The following PTPRG variants were observed in gnomAD, a reference collection of about 807,000 sequenced individuals.
PTPRG encodes protein tyrosine phosphatase receptor type G, also known as receptor-type tyrosine-protein phosphatase gamma.
A neutral mutation model predicts 165.3 loss-of-function variants in PTPRG; 102 were observed. The observed-to-expected ratio is 0.62, with a 90% CI of 0.53 to 0.73. PTPRG has a LOEUF of 0.73. Among genes scored for constraint, PTPRG ranks in the 30% least tolerant of loss-of-function variants. PTPRG has a pLI of 0.00. For missense variants in PTPRG, 1,866 were observed against 1,861.4 expected (o/e 1.00, Z -0.05); for synonymous variants, 675 against 669.5 (o/e 1.01, Z -0.13).
At chr3:61,630,473 A>G (rs1701743799) in intron 1 of PTPRG, among the ~76,000 whole-genome samples, 1 of 152,156 alleles carries the variant, frequency 6.6e-6, no homozygotes, top group Non-Finnish European at 1.5e-5. Flanking sequence ...TCCTATTAAT[A>G]TGACTTTTTT....
In PTPRG at chr3:61,914,597, A is replaced by T. The variant is rs554754691; in HGVS notation, c.191-75028A>T. The stretch of plus-strand genomic sequence containing the variant: ...AGTTAGAACGGTCTTGGCCTTTATG[A>T]ATAAACATGCTGTTCTGAAATGATA... On this transcript the variant is annotated intron_variant, in intron 2 of 29. Coordinates refer to ENST00000474889, the MANE Select transcript of PTPRG (RefSeq NM_002841.4). Among the ~76,000 whole-genome samples the T allele has an allele frequency of 1.4e-3, 214 of 152,328 alleles. 2 individuals are homozygous for T. The highest frequency in any genetic ancestry group is 4.7e-3 in the African/African-American group (197 of 41,570).
intron 13 of PTPRG, among the ~76,000 whole-genome samples, chr3:62,225,017 T>C (rs1053267965): frequency 6.6e-6 from 1 of 152,206 alleles, no homozygotes; most frequent in African/African-American, 2.4e-5. Flanking sequence ...GTTACAGCTT[T>C]AATGGCACCC....
At chr3:61,611,361 A>G (rs1390057584) in intron 1 of PTPRG, among the ~76,000 whole-genome samples, 1 of 152,206 alleles carries the variant, frequency 6.6e-6, no homozygotes, top group Non-Finnish European at 1.5e-5. Context: ...AGTGACAAGC[A>G]CAGTGCCTTT....
intron 2 of PTPRG, among the ~76,000 whole-genome samples, chr3:61,828,545 GT>G (rs1487779868): frequency 6.6e-6 from 1 of 152,244 alleles, no homozygotes; most frequent in Non-Finnish European, 1.5e-5. Context: ...TAGGTAGAAA[GT>G]GAATGCATGG....
intron 1 of PTPRG, among the ~76,000 whole-genome samples, chr3:61,652,788 A>G (rs985298587): frequency 4.6e-5 from 7 of 152,170 alleles, no homozygotes; most frequent in African/African-American, 7.2e-5. Context: ...GGATGCCACT[A>G]GCATCCTCCT....
intron 6 of PTPRG, among the ~76,000 whole-genome samples, chr3:62,146,091 G>T (rs1704109780): frequency 6.6e-6 from 1 of 152,210 alleles, no homozygotes; most frequent in Non-Finnish European, 1.5e-5. Context: ...CAATGAAACT[G>T]TTCAGTGATA....
chr3:61,776,381 G>A (rs62243164), intron 2 of PTPRG, among the ~76,000 whole-genome samples: 245 of 152,096 alleles, frequency 1.6e-3, no homozygotes, highest in Non-Finnish European at 2.1e-3. Context: ...TAGTTGTATC[G>A]CATAGATTAA....
chr3:61,810,743 A>T lies in PTPRG; in HGVS notation c.190+61761A>T, dbSNP rs540150818. 2.6e-3 allele frequency among the ~76,000 whole-genome samples: 403 copies of T among 152,342 alleles called. 5 individuals carry two copies. Among genetic ancestry groups the T allele is most frequent in the Non-Finnish European group, 4.8e-3 (326 of 68,032 alleles). On this transcript the variant is annotated intron_variant, in intron 2 of 29. Coordinates refer to ENST00000474889, the MANE Select transcript of PTPRG (RefSeq NM_002841.4). Reference sequence around the variant, plus strand: ...TTGACAGAGAAGTCATGGAGATCCAAAGAAACTAATTAGAATGAATAGGCA... The same window carrying T: ...TTGACAGAGAAGTCATGGAGATCCATAGAAACTAATTAGAATGAATAGGCA...
At chr3:62,082,095 C>T (rs764666181) in intron 5 of PTPRG, among the ~76,000 whole-genome samples, 7 of 152,180 alleles carry the variant, frequency 4.6e-5, no homozygotes, top group Non-Finnish European at 7.3e-5. Context: ...TTCAGAGTGA[C>T]ACAAAGAGAA....
chr3:62,234,965 T>TA (rs1042815576), intron 14 of PTPRG, among the ~76,000 whole-genome samples: 1 of 151,286 alleles, frequency 6.6e-6, no homozygotes, highest in Non-Finnish European at 1.5e-5. Context: ...TCAAGTATTT[T>TA]AAAAAAAATA....
chr3:62,292,381 T>C (rs976917048), intron 28 of PTPRG, 40 bp from the exon 29 acceptor site: 6 of 1,592,508 alleles, frequency 3.8e-6, no homozygotes, highest in Non-Finnish European at 5.1e-6. Flanking sequence ...TTTGGTCCCT[T>C]TGTACATCTG....
chr3:61,723,217 T>C (rs1317993907), intron 1 of PTPRG, among the ~76,000 whole-genome samples: 1 of 152,216 alleles, frequency 6.6e-6, no homozygotes, highest in Non-Finnish European at 1.5e-5. Flanking sequence ...CAGTATTTTA[T>C]TGGATGATTG....
intron 2 of PTPRG, among the ~76,000 whole-genome samples, chr3:61,772,430 A>G (rs1235514510): frequency 6.6e-6 from 1 of 151,926 alleles, no homozygotes; most frequent in African/African-American, 2.4e-5. Flanking sequence ...TAATATTTTT[A>G]TATTTTATAA....
chr3:61,709,380 T>A (rs1055553154), intron 1 of PTPRG, among the ~76,000 whole-genome samples: 2 of 152,158 alleles, frequency 1.3e-5, no homozygotes, highest in African/African-American at 4.8e-5. Context: ...AGTGGCGCAA[T>A]CTCAGTTTAC....
At chr3:62,023,771 G>C (rs2041750380) in intron 4 of PTPRG, among the ~76,000 whole-genome samples, 1 of 152,094 alleles carries the variant, frequency 6.6e-6, no homozygotes, top group African/African-American at 2.4e-5. Flanking sequence ...ACTGTTTTGA[G>C]GTGAGCATTA....
chr3:61,893,436 G>C (rs531851066), intron 2 of PTPRG, among the ~76,000 whole-genome samples: 77 of 152,328 alleles, frequency 5.1e-4, no homozygotes, highest in Non-Finnish European at 9.7e-4. Context: ...TTTGGGCAAA[G>C]TAGATCCAGA....
Position 61,601,505 on chromosome 3 carries a change from GTGTT to G in PTPRG, c.85+39134_85+39137del, listed in dbSNP as rs1283045797. On this transcript the variant is annotated intron_variant, in intron 1 of 29. Coordinates refer to ENST00000474889, the MANE Select transcript of PTPRG (RefSeq NM_002841.4). ...CTCCAGTATTTATGGGCTCAAATCA[GTGTT>G]GATGGTGTATTCTTTTGTTCACTTA... is the stretch of plus-strand genomic sequence containing the variant. Among the ~76,000 whole-genome samples the G allele has an allele frequency of 3.3e-5, 5 of 152,290 alleles. No individual in the cohort carries two copies. The East Asian group carries it at 9.7e-4, about 29-fold the overall frequency.
At chr3:61,976,485 G>T (rs1467603153) in intron 2 of PTPRG, among the ~76,000 whole-genome samples, 1 of 152,186 alleles carries the variant, frequency 6.6e-6, no homozygotes, top group Non-Finnish European at 1.5e-5. Context: ...CTAAATCACA[G>T]CATCAGCTTA....
chr3:62,192,117 A>G (rs1699843104), intron 9 of PTPRG, among the ~76,000 whole-genome samples: 1 of 152,056 alleles, frequency 6.6e-6, no homozygotes, highest in South Asian at 2.1e-4. Flanking sequence ...CACCACCACC[A>G]CTGTCCACAG....
Sources: gnomAD v4.1 joint callset for allele counts (sites outside exome capture counted in the v4.1 genomes callset) on GRCh38, gnomAD v4.1.1 for gene constraint, MANE v1.5 for transcripts, NCBI Gene and HGNC (gene_info 2026-07-23, HGNC 2026-07-21) for gene names.